COL11A1: variants seen among roughly 807,000 people sequenced by gnomAD.
COL11A1 encodes the protein collagen alpha-1(XI) chain.
COL11A1 carries 74 observed loss-of-function variants against 265.2 expected under a neutral mutation model. That is an observed-to-expected ratio of 0.28 (90% CI 0.23 to 0.34). The LOEUF is 0.34. Ranked by LOEUF, COL11A1 falls within the 10% of genes least tolerant of loss-of-function variation. COL11A1 has a pLI of 1.00. For synonymous variants in COL11A1, 816 were observed against 727.6 expected (o/e 1.12, Z -1.96); for missense variants, 2,165 against 2,263.6 (o/e 0.96, Z 0.88).
intron 1 of COL11A1, among the ~76,000 whole-genome samples, chr1:103,098,865 G>C (rs1243297448): frequency 6.6e-6 from 1 of 151,742 alleles, no homozygotes; most frequent in Non-Finnish European, 1.5e-5. Flanking sequence ...GAGTGCTTAG[G>C]GTAGAGGTCA....
chr1:103,065,474 C>T (rs1430082118), intron 4 of COL11A1, among the ~76,000 whole-genome samples: 2 of 141,162 alleles, frequency 1.4e-5, no homozygotes, highest in Non-Finnish European at 3.0e-5. Context: ...GAGCCCAGAT[C>T]GCGCCACTAC....
At chr1:103,100,849 T>C (rs1320506963) in intron 1 of COL11A1, 1 of 151,926 alleles carries the variant, frequency 6.6e-6, no homozygotes, top group Non-Finnish European at 1.5e-5. Context: ...CACTTCTCTG[T>C]TTTTCAGTTA....
chr1:102,879,257 G>C (rs1257315264), intron 66 of COL11A1, among the ~76,000 whole-genome samples: 1 of 151,956 alleles, frequency 6.6e-6, no homozygotes, highest in Non-Finnish European at 1.5e-5. Context: ...AAATTAACAA[G>C]CTTCTTATAA....
At chr1:103,068,464 C>A (rs773971762) in intron 4 of COL11A1, among the ~76,000 whole-genome samples, 13 of 151,330 alleles carry the variant, frequency 8.6e-5, no homozygotes, top group African/African-American at 2.4e-5. Flanking sequence ...TAAACAGAAT[C>A]CAATGAAAAC....
intron 37 of COL11A1, among the ~76,000 whole-genome samples, chr1:102,967,709 CTCTG>C (rs751106250): frequency 1.7e-4 from 26 of 152,070 alleles, no homozygotes; most frequent in Non-Finnish European, 2.9e-4. Flanking sequence ...GACCTGTTTC[CTCTG>C]TCTGGGTTAT....
At position 102,898,727 on chromosome 1, in the gene COL11A1, C is replaced by T; in HGVS notation, c.4187G>A (p.Gly1396Asp). 1 of 1,613,060 alleles carries T rather than the reference C, an allele frequency of 6.2e-7. No individual in the cohort carries two copies. The change falls in exon 56 of 67, where the codon GGT becomes GAT. Residue 1396 changes from glycine to aspartate, a missense_variant. Transcript: ENST00000370096. ...EGPPGKTGPV[G>D]PQGPAGKPGP... ...AGGCTTTCCTGCAGGTCCCTGAGGA[C>T]CGACTGGGCCGGTTTTTCCAGGAGG...
chr1:103,026,049 G>A, intron 6 of COL11A1, 167 bp downstream of exon 6: 1 of 1,316,544 alleles, frequency 7.6e-7, no homozygotes, highest in Non-Finnish European at 1.1e-6. Flanking sequence ...AAGTGAAATG[G>A]ACATCATTCT....
chr1:103,103,554 T>A (rs1228781361), intron 1 of COL11A1, among the ~76,000 whole-genome samples: 2 of 152,004 alleles, frequency 1.3e-5, no homozygotes, highest in Non-Finnish European at 2.9e-5. Context: ...ATTCTGTAAC[T>A]ATTTTCTATT....
intron 1 of COL11A1, among the ~76,000 whole-genome samples, chr1:103,088,810 C>G (rs1399548092): frequency 6.6e-6 from 1 of 152,148 alleles, no homozygotes; most frequent in Admixed American, 6.5e-5. Flanking sequence ...TTCAAGGAAA[C>G]CAGCCATGCT....
At chr1:102,934,063 G>T (rs750213188) in intron 46 of COL11A1, among the ~76,000 whole-genome samples, 3 of 152,024 alleles carry the variant, frequency 2.0e-5, no homozygotes, top group African/African-American at 7.3e-5. Context: ...CGTCGCTCAC[G>T]CTGGGAGCTG....
chr1:103,009,223 G>A (rs1665905403), intron 14 of COL11A1, among the ~76,000 whole-genome samples: 1 of 152,130 alleles, frequency 6.6e-6, no homozygotes, highest in African/African-American at 2.4e-5. Context: ...AGACCAGACT[G>A]GCCAATATAG....
intron 41 of COL11A1, among the ~76,000 whole-genome samples, chr1:102,952,039 A>G (rs1659938652): frequency 6.6e-6 from 1 of 152,160 alleles, no homozygotes; most frequent in South Asian, 2.1e-4. Context: ...ATTTTAACAT[A>G]TATCAAGAAG....
chr1:103,026,468 G>T lies in COL11A1; in HGVS notation c.781-136C>A, dbSNP rs74606576. ...TTAATGTTATTGATGAGTTATTTTT[G>T]TATTACATAGAAGTATTATACTGTC... On this transcript the variant is annotated intron_variant, in intron 5 of 66. Coordinates refer to ENST00000370096, the MANE Select transcript of COL11A1 (RefSeq NM_001854.4). The T allele has an allele frequency of 0.041, 28,036 of 688,600 alleles. 662 individuals carry two copies. Among genetic ancestry groups the T allele is most frequent in the East Asian group, 0.058 (2,110 of 36,152 alleles). The allele number at this position is 688,600 out of a possible 1,614,324, so 42.7% of individuals were successfully genotyped here.
chr1:102,878,733 TC>T (rs888300032), intron 66 of COL11A1, among the ~76,000 whole-genome samples: 19 of 151,568 alleles, frequency 1.3e-4, no homozygotes, highest in Non-Finnish European at 1.8e-4. Context: ...GGTCTTGAAC[TC>T]CTGACCTCAG....
chr1:102,895,247 C>G (rs934970535), intron 57 of COL11A1, among the ~76,000 whole-genome samples: 2 of 152,242 alleles, frequency 1.3e-5, no homozygotes, highest in African/African-American at 4.8e-5. Context: ...TATCCAGAAA[C>G]TTCCTATAAA....
intron 4 of COL11A1, among the ~76,000 whole-genome samples, chr1:103,038,160 T>C (rs987288636): frequency 1.3e-5 from 2 of 152,138 alleles, no homozygotes; most frequent in Non-Finnish European, 2.9e-5. Context: ...GATGAAACTG[T>C]ATGACGAATT....
chr1:102,900,058 A>C (rs1652992996), intron 54 of COL11A1, among the ~76,000 whole-genome samples: 1 of 152,140 alleles, frequency 6.6e-6, no homozygotes, highest in Admixed American at 6.5e-5. Context: ...TTATACACAA[A>C]GTAAAGATGA....
At chr1:103,098,260 T>A (rs1673949633) in intron 1 of COL11A1, among the ~76,000 whole-genome samples, 1 of 151,948 alleles carries the variant, frequency 6.6e-6, no homozygotes, top group Admixed American at 6.6e-5. Context: ...CACTACTGCT[T>A]AGCAATAGCA....
chr1:103,051,072 T>A (rs1669782463), intron 4 of COL11A1, among the ~76,000 whole-genome samples: 2 of 152,226 alleles, frequency 1.3e-5, no homozygotes, highest in African/African-American at 4.8e-5. Context: ...GGAGGCAGTC[T>A]GCCCATTCTC....
Sources: gnomAD v4.1 joint callset for allele counts (sites outside exome capture counted in the v4.1 genomes callset) on GRCh38, gnomAD v4.1.1 for gene constraint, MANE v1.5 for transcripts, NCBI Gene and HGNC (gene_info 2026-07-23, HGNC 2026-07-21) for gene names.